RIMS2: variants seen among roughly 807,000 people sequenced by gnomAD.
The protein encoded by RIMS2 is regulating synaptic membrane exocytosis protein 2.
RIMS2 carries 59 observed loss-of-function variants against 174.4 expected under a neutral mutation model. The ratio of observed to expected loss-of-function variants is 0.34; its 90% CI spans 0.27 to 0.42. The LOEUF (loss-of-function observed/expected upper bound fraction) is 0.42. Among genes scored for constraint, RIMS2 ranks in the 10% least tolerant of loss-of-function variants. The probability of loss-of-function intolerance (pLI) is 1.00; values close to 1 mark genes in which losing one functional copy is unlikely to be tolerated. For missense variants in RIMS2, 1,620 were observed against 1,666.3 expected (o/e 0.97, Z 0.48); for synonymous variants, 606 against 572.5 (o/e 1.06, Z -0.84).
chr8:104,189,682 T>TAC (rs997113732), intron 19 of RIMS2, among the ~76,000 whole-genome samples: 4 of 150,608 alleles, frequency 2.7e-5, no homozygotes, highest in South Asian at 2.1e-4. Context: ...TCTCTATATA[T>TAC]ACGCATTTAA....
At chr8:103,590,679 G>T (rs1279502680) in intron 1 of RIMS2, among the ~76,000 whole-genome samples, 1 of 151,068 alleles carries the variant, frequency 6.6e-6, no homozygotes, top group African/African-American at 2.4e-5. Context: ...CCCTTAGGAA[G>T]ACTTTTTTTC....
chr8:103,862,763 T>C (rs2099065464), intron 3 of RIMS2, among the ~76,000 whole-genome samples: 2 of 152,130 alleles, frequency 1.3e-5, no homozygotes, highest in African/African-American at 2.4e-5. Context: ...TATTTGGGTC[T>C]CAGCTTGAGG....
intron 1 of RIMS2, among the ~76,000 whole-genome samples, chr8:103,601,166 T>C (rs2094717958): frequency 1.3e-5 from 2 of 152,240 alleles, no homozygotes; most frequent in Non-Finnish European, 2.9e-5. Context: ...GGGTTGTTGA[T>C]TCAATTTGTT....
intron 1 of RIMS2, among the ~76,000 whole-genome samples, chr8:103,603,119 G>A (rs1185135266): frequency 4.0e-5 from 6 of 149,828 alleles, no homozygotes; most frequent in East Asian, 2.0e-4. Flanking sequence ...CTAGCATTAG[G>A]TATATCTCCC....
intron 3 of RIMS2, among the ~76,000 whole-genome samples, chr8:103,852,015 A>G (rs2099001360): frequency 6.6e-6 from 1 of 151,996 alleles, no homozygotes; most frequent in African/African-American, 2.4e-5. Flanking sequence ...CCAATCCTCC[A>G]CTGCAGTTTC....
intron 1 of RIMS2, among the ~76,000 whole-genome samples, chr8:103,606,494 A>C (rs989756948): frequency 2.2e-4 from 33 of 152,020 alleles, no homozygotes; most frequent in African/African-American, 8.0e-4. Flanking sequence ...TGTGGTGGAG[A>C]GTTCTGTAGA....
At chr8:103,999,800 T>A (rs1163921066) in intron 17 of RIMS2, among the ~76,000 whole-genome samples, 1 of 151,784 alleles carries the variant, frequency 6.6e-6, no homozygotes, top group Non-Finnish European at 1.5e-5. Flanking sequence ...CTAGAATTAG[T>A]TCTTGATCAT....
chr8:103,636,241 T>C (rs2096070860), intron 1 of RIMS2, among the ~76,000 whole-genome samples: 4 of 152,162 alleles, frequency 2.6e-5, no homozygotes. Flanking sequence ...TGCGGGCTGT[T>C]GCTGCTCAGT....
intron 4 of RIMS2, chr8:103,910,004 A>ATATATC (rs2075338385): frequency 1.9e-6 from 1 of 535,370 alleles, no homozygotes. Flanking sequence ...ATATATATAT[A>ATATATC]TATAGTGAGT....
chr8:104,112,442 A>G (rs1258443109), intron 19 of RIMS2, among the ~76,000 whole-genome samples: 1 of 152,126 alleles, frequency 6.6e-6, no homozygotes, highest in Non-Finnish European at 1.5e-5. Flanking sequence ...ATATTTCTAT[A>G]TAATACCTAC....
chr8:103,920,852 A>T, intron 9 of RIMS2: 1 of 347,274 alleles, frequency 2.9e-6, no homozygotes, highest in South Asian at 2.2e-5. Flanking sequence ...ACAAAAAATT[A>T]TCCGGACGTG....
chr8:103,602,608 C>G (rs1343501466), intron 1 of RIMS2, among the ~76,000 whole-genome samples: 3 of 152,146 alleles, frequency 2.0e-5, no homozygotes, highest in Admixed American at 6.5e-5. Context: ...GCTTTCAGCT[C>G]CATCCATATT....
chr8:103,959,643 C>T (rs1164286344), intron 14 of RIMS2, among the ~76,000 whole-genome samples: 8 of 151,754 alleles, frequency 5.3e-5, no homozygotes, highest in African/African-American at 1.7e-4. Context: ...AGGCTGGTCT[C>T]GAATGCCTAA....
intron 2 of RIMS2, among the ~76,000 whole-genome samples, chr8:103,717,350 A>T (rs1273543086): frequency 6.7e-6 from 1 of 149,548 alleles, no homozygotes; most frequent in Non-Finnish European, 1.5e-5. Context: ...CAAATTTTAG[A>T]TGCAGTTTTG....
chr8:103,808,597 T>A (rs573202390), intron 3 of RIMS2, among the ~76,000 whole-genome samples: 1 of 152,240 alleles, frequency 6.6e-6, no homozygotes, highest in South Asian at 2.1e-4. Flanking sequence ...ATCTTCCCCT[T>A]TCTTCTCCCT....
intron 19 of RIMS2, among the ~76,000 whole-genome samples, chr8:104,088,592 A>G (rs568483263): frequency 4.6e-5 from 7 of 152,082 alleles, no homozygotes; most frequent in African/African-American, 1.4e-4. Flanking sequence ...TTAATTTTTT[A>G]ATTATTGTTT....
At chr8:103,785,717 T>G (rs914358979) in intron 3 of RIMS2, among the ~76,000 whole-genome samples, 2 of 152,204 alleles carry the variant, frequency 1.3e-5, no homozygotes, top group African/African-American at 4.8e-5. Flanking sequence ...TCAAGGATAT[T>G]GGTCTAAAAA....
chr8:103,746,379 G>A (rs1216621775), intron 2 of RIMS2, among the ~76,000 whole-genome samples: 2 of 152,126 alleles, frequency 1.3e-5, no homozygotes, highest in Non-Finnish European at 2.9e-5. Flanking sequence ...TATCTGAATT[G>A]TATAAGAGGT....
intron 16 of RIMS2, among the ~76,000 whole-genome samples, chr8:103,987,580 T>A (rs1226807878): frequency 1.3e-5 from 2 of 152,096 alleles, no homozygotes; most frequent in Non-Finnish European, 2.9e-5. Context: ...AAATAAGAGA[T>A]GGATGTTCAT....
Sources: allele counts gnomAD v4.1 joint callset (sites outside exome capture counted in the v4.1 genomes callset), GRCh38; gene constraint gnomAD v4.1.1; transcripts MANE v1.5; gene names NCBI Gene and HGNC (gene_info 2026-07-23, HGNC 2026-07-21).